Variants in CROCC observed in about 807,000 individuals in gnomAD.
CROCC encodes ciliary rootlet coiled-coil, rootletin, also known as rootletin.
CROCC carries 180 observed loss-of-function variants against 245.2 expected under a neutral mutation model. That is an observed-to-expected ratio of 0.73 (90% CI 0.65 to 0.83). The LOEUF (loss-of-function observed/expected upper bound fraction) is 0.83, where lower values mean the gene tolerates loss of function less well. Among genes scored for constraint, CROCC ranks in the 40% least tolerant of loss-of-function variants. The probability of loss-of-function intolerance (pLI) is 0.00; values close to 1 mark genes in which losing one functional copy is unlikely to be tolerated. For synonymous variants in CROCC, 1,205 were observed against 1,241.6 expected, an observed-to-expected ratio of 0.97 and a Z score of 0.62; for missense variants, 2,688 against 2,779.4, an observed-to-expected ratio of 0.97 and a Z score of 0.74.
At chr1:16,950,638 G>A (rs181857639) in intron 19 of CROCC, among the ~76,000 whole-genome samples, 4 of 152,358 alleles carry the variant, frequency 2.6e-5, no homozygotes, top group East Asian at 1.9e-4. Flanking sequence ...GATTACAGGC[G>A]TGAGCCAAGG....
intron 11 of CROCC, 42 bp downstream of exon 11, chr1:16,938,525 A>G: frequency 2.0e-6 from 3 of 1,512,106 alleles, no homozygotes; most frequent in South Asian, 1.2e-5. Flanking sequence ...CCTGCCAGGC[A>G]GTCCCAGGCT....
Position 16,972,508 on chromosome 1 carries a change from A to T in CROCC, c.*62A>T. On this transcript the variant is annotated 3_prime_UTR_variant, in exon 37 of 37. Transcript: ENST00000375541. The stretch of plus-strand genomic sequence containing the variant: ...GGACAGGGGAGGACCCTTCTTTTGG[A>T]CAGCCCCCCCACCCAGAGCCCGGTC... The T allele has an allele frequency of 1.8e-6, 2 of 1,128,448 alleles. No homozygotes were observed. Among genetic ancestry groups the T allele is most frequent in the Non-Finnish European group, 2.5e-6 (2 of 809,918 alleles). The allele number at this position is 1,128,448 out of a possible 1,614,324, so 69.9% of individuals were successfully genotyped here.
intron 3 of CROCC, among the ~76,000 whole-genome samples, chr1:16,927,908 T>C (rs1398863833): frequency 1.3e-5 from 2 of 152,278 alleles, no homozygotes; most frequent in Non-Finnish European, 2.9e-5. Context: ...CACAGTTAGC[T>C]CCTCCCTATT....
At chr1:16,919,333 C>T (rs1200504972), upstream of CROCC, among the ~76,000 whole-genome samples, 4 of 152,280 alleles carry the variant, frequency 2.6e-5, no homozygotes, top group Admixed American at 2.0e-4. Context: ...TGAAGCATGT[C>T]GCCTTGAATA....
rs1416495165 is a variant in CROCC at position 16,946,900 on chromosome 1, T to C, written c.2423T>C (p.Leu808Pro). 6.4e-7 allele frequency: 1 copy of C among 1,565,934 alleles called. No individual in the cohort carries two copies. The highest frequency in any genetic ancestry group is 8.7e-7 in the Non-Finnish European group (1 of 1,155,692). ...GCGCGGCAGGGCCTGGAGGGCTCCCTACGAGTGGCGGAGCAGGCCCAGGAG... is the reference window on the plus strand; with the variant it reads ...GCGCGGCAGGGCCTGGAGGGCTCCCCACGAGTGGCGGAGCAGGCCCAGGAG... ...EVARQGLEGS[L>P]RVAEQAQEAL... Residue 808 changes from leucine to proline, a missense_variant, in exon 17 of 37, where the codon CTA becomes CCA. By Grantham distance (98) the Leu-to-Pro change is moderately conservative (BLOSUM62 -3). Transcript: ENST00000375541.
chr1:16,938,336 G>C (rs201041722), intron 10 of CROCC, 64 bp from the exon 11 acceptor site: 10 of 1,448,470 alleles, frequency 6.9e-6, no homozygotes, highest in Admixed American at 6.2e-5. Context: ...GGTAGGGAGG[G>C]AAAGGGGAGG....
chr1:16,970,279 G>T lies in CROCC; in HGVS notation c.5478G>T (p.Glu1826Asp). 6.4e-7 allele frequency: 1 copy of T among 1,565,204 alleles called. No individual in the cohort carries two copies. ...TGCTGCGGCAGCGGCAGGAGGGTGA[G>T]GCTGCAGCCCTGAACACCGTCCAGA... ...REVLRQRQEGEAAALNTVQKL... is the reference protein window; with the variant it reads ...REVLRQRQEGDAAALNTVQKL... The change falls in exon 34 of 37, where the codon GAG becomes GAT. Residue 1826 changes from glutamate (E) to aspartate (D), a missense_variant. This residue lies in a region of CROCC where 1,218 missense variants were observed against 1,286.3 expected (regional missense o/e 0.95). Coordinates refer to ENST00000375541, the MANE Select transcript of CROCC (RefSeq NM_014675.5).
At chr1:16,939,549 G>T (rs190837811) in intron 12 of CROCC, among the ~76,000 whole-genome samples, 4,329 of 150,756 alleles carry the variant, frequency 0.029, no homozygotes, top group Non-Finnish European at 0.042. Context: ...GTAGGGAGGA[G>T]TCTGAGAGTG....
intron 10 of CROCC, among the ~76,000 whole-genome samples, chr1:16,938,075 A>G (rs1260211684): frequency 1.3e-5 from 2 of 152,258 alleles, no homozygotes; most frequent in South Asian, 2.1e-4. Flanking sequence ...CTGGCAACCT[A>G]GCTGCCCCCC....
chr1:16,964,058 A>G (rs373508136), intron 27 of CROCC, among the ~76,000 whole-genome samples: 71 of 151,134 alleles, frequency 4.7e-4, no homozygotes, highest in South Asian at 8.4e-4. Context: ...TCGGCCTCCC[A>G]CCAGAGTGCT....
At chr1:16,971,386 G>GAGGT in intron 35 of CROCC, 79 bp from the exon 36 acceptor site, 1 of 1,447,498 alleles carries the variant, frequency 6.9e-7, no homozygotes, top group Non-Finnish European at 9.1e-7. Flanking sequence ...GTGTCCCAGG[G>GAGGT]AGGTACCTGA....
At chr1:16,933,001 A>T (rs1420767536) in intron 8 of CROCC, among the ~76,000 whole-genome samples, 1 of 152,240 alleles carries the variant, frequency 6.6e-6, no homozygotes, top group African/African-American at 2.4e-5. Context: ...TGTAGAGTCG[A>T]GGTCTCACTT....
rs184557465 is a variant in CROCC, at chr1:16,953,438, A to G, written c.3143A>G (p.Glu1048Gly). 1 of 1,610,162 alleles carries G rather than the reference A, an allele frequency of 6.2e-7. No individual in the cohort carries two copies. Among genetic ancestry groups the G allele is most frequent in the African/African-American group, 1.3e-5 (1 of 74,866 alleles). The change falls in exon 21 of 37, where the codon GAG (glutamate) becomes GGG (glycine). Residue 1048 changes from glutamate (E) to glycine (G), a missense_variant. Physicochemically the swap from Glu to Gly is moderately conservative, Grantham distance 98 (BLOSUM62 -2). This residue lies in a region of CROCC where 106 missense variants were observed against 126.1 expected (regional missense o/e 0.84). Coordinates refer to ENST00000375541, the MANE Select transcript of CROCC (RefSeq NM_014675.5). Reference sequence around the variant, plus strand: ...GAGGAGATTGCTGCCCTGCAGCAGGAGCGCGACGAGGGCCTCCTCCTAGCA... The same window carrying G: ...GAGGAGATTGCTGCCCTGCAGCAGGGGCGCGACGAGGGCCTCCTCCTAGCA... Reference protein sequence around the residue: ...LSEEIAALQQERDEGLLLAES... With the variant: ...LSEEIAALQQGRDEGLLLAES...
At position 16,931,407 on chromosome 1, in the gene CROCC, G is replaced by A; in HGVS notation, c.956+10G>A. On this transcript the variant is annotated intron_variant, in intron 8 of 36. Coordinates refer to ENST00000375541, the MANE Select transcript of CROCC (RefSeq NM_014675.5). ...AGATGTTCACTGAGAGGTGAGGCCT[G>A]GCCGGGGACGGGGCAGCAGCTGAGA... 6.2e-7 allele frequency: 1 copy of A among 1,605,866 alleles called. No homozygotes were observed. The highest frequency in any genetic ancestry group is 8.5e-7 in the Non-Finnish European group (1 of 1,173,688).
Position 16,946,843 on chromosome 1 carries a change from G to C in CROCC, c.2366G>C (p.Arg789Pro), listed in dbSNP as rs774815102. The C allele has an allele frequency of 1.3e-6, 2 of 1,554,440 alleles. No individual in the cohort carries two copies. The highest frequency in any genetic ancestry group is 2.0e-5 in the Admixed American group (1 of 51,190). The change falls in exon 17 of 37, where the codon CGG (arginine) becomes CCG (proline). Residue 789 changes from arginine (R) to proline (P), a missense_variant. Transcript: ENST00000375541. The stretch of plus-strand genomic sequence containing the variant: ...ACAGTGGCGCGGGAAGAGCAGGAAC[G>C]GCTAGAGGAGCTGCGGTTGGAGCAG... Reference protein sequence around the residue: ...EATVAREEQERLEELRLEQEV... With the variant: ...EATVAREEQEPLEELRLEQEV...
intron 1 of CROCC, among the ~76,000 whole-genome samples, chr1:16,916,752 GTCC>G (rs2075309551): frequency 6.6e-6 from 1 of 152,294 alleles, no homozygotes; most frequent in South Asian, 2.1e-4. Flanking sequence ...GGCTCAGGCA[GTCC>G]TCCTACCTTG....
chr1:16,924,396 C>A lies in CROCC; in HGVS notation c.268C>A (p.Leu90Met). 1 of 1,613,278 alleles carries A rather than the reference C, an allele frequency of 6.2e-7. No individual in the cohort carries two copies. Among genetic ancestry groups the A allele is most frequent in the Non-Finnish European group, 8.5e-7 (1 of 1,179,878 alleles). ...QEENQLLQQE[L>M]SRVEDLLAQS... The stretch of plus-strand genomic sequence containing the variant: ...GGAGAACCAGCTGCTGCAGCAGGAG[C>A]TGTCCCGCGTGGAGGACCTGCTGGC... The change falls in exon 3 of 37, where the codon CTG becomes ATG. Residue 90 changes from leucine to methionine, a missense_variant. Physicochemically the swap from Leu to Met is conservative, Grantham distance 15. Transcript: ENST00000375541.
At chr1:16,923,674 C>CTTTTTTTTTTTTTTTTTTTT in intron 2 of CROCC, among the ~76,000 whole-genome samples, 1 of 103,498 alleles carries the variant, frequency 9.7e-6, no homozygotes, top group Non-Finnish European at 1.9e-5. Context: ...ACTATTCTAC[C>CTTTTTTTTTTTTTTTTTTTT]TTTTTTTTTT....
intron 14 of CROCC, 98 bp downstream of exon 14, chr1:16,944,380 G>A (rs1476683355): frequency 7.6e-6 from 10 of 1,323,040 alleles, no homozygotes; most frequent in Non-Finnish European, 9.0e-6. Flanking sequence ...CTGGGTCCTG[G>A]GCCTCCTACC....
Sources: gnomAD v4.1 joint callset for allele counts (sites outside exome capture counted in the v4.1 genomes callset) on GRCh38, gnomAD v4.1.1 for gene constraint, gnomAD v4.1.1 regional missense constraint, MANE v1.5 for transcripts, NCBI Gene and HGNC (gene_info 2026-07-23, HGNC 2026-07-21) for gene names.